The following MSR1 variants were observed in gnomAD, a reference collection of about 807,000 sequenced individuals.
MSR1 encodes macrophage scavenger receptor types I and II.
MSR1 carries 53 observed loss-of-function variants against 47.2 expected under a neutral mutation model. That is an observed-to-expected ratio of 1.12 (90% confidence interval 0.90 to 1.41). The LOEUF (loss-of-function observed/expected upper bound fraction) is 1.41. Among genes scored for constraint, MSR1 ranks in the 40% most tolerant of loss-of-function variants. The probability of loss-of-function intolerance (pLI) is 0.00; values close to 1 mark genes in which losing one functional copy is unlikely to be tolerated. For missense variants in MSR1, 786 were observed against 546.9 expected, an observed-to-expected ratio of 1.44 and a Z score of -4.36; for synonymous variants, 239 against 185.6, an observed-to-expected ratio of 1.29 and a Z score of -2.34.
At chr8:16,115,769 G>T (rs1799864136) in intron 9 of MSR1, among the ~76,000 whole-genome samples, 1 of 152,022 alleles carries the variant, frequency 6.6e-6, no homozygotes, top group Admixed American at 6.6e-5. Flanking sequence ...CTTGAGGCTA[G>T]GAGTTTTAGA....
At chr8:16,134,279 T>C (rs1357045661) in intron 8 of MSR1, among the ~76,000 whole-genome samples, 4 of 152,164 alleles carry the variant, frequency 2.6e-5, no homozygotes, top group Admixed American at 2.6e-4. Flanking sequence ...TCAAATTAGA[T>C]TCTATTCAGA....
At chr8:16,171,128 G>T (rs1801473001) in intron 3 of MSR1, among the ~76,000 whole-genome samples, 1 of 151,482 alleles carries the variant, frequency 6.6e-6, no homozygotes, top group Non-Finnish European at 1.5e-5. Context: ...GGAGGCTGAG[G>T]CAGGAGAATT....
intron 8 of MSR1, chr8:16,140,794 A>G: frequency 6.7e-7 from 1 of 1,485,680 alleles, no homozygotes; most frequent in Admixed American, 2.5e-5. Context: ...TGGAGTAAGA[A>G]GAGGTATGAG....
At chr8:16,123,765 C>A (rs117991545) in intron 8 of MSR1, among the ~76,000 whole-genome samples, 3 of 151,898 alleles carry the variant, frequency 2.0e-5, no homozygotes, top group Non-Finnish European at 4.4e-5. Context: ...AAACCAAAAC[C>A]AAAATAATAA....
intron 1 of MSR1, among the ~76,000 whole-genome samples, chr8:16,183,955 G>A (rs1166491645): frequency 6.8e-6 from 1 of 147,900 alleles, no homozygotes; most frequent in African/African-American, 2.5e-5. Context: ...CTCTTTTGGG[G>A]AAGTGGGTAA....
In MSR1 at chr8:16,160,956, G is replaced by A. The variant is rs142953201; in HGVS notation, c.817+3109C>T. On this transcript the variant is annotated intron_variant, in intron 5 of 9. Transcript: ENST00000262101. ...AGAAGACATTGGAGGATTTAAGCAA[G>A]AGAGAGAAAAGACACATCTAGTGTA... Among the ~76,000 whole-genome samples, 60 of 150,958 alleles carry A rather than the reference G, an allele frequency of 4.0e-4. 2 individuals carry two copies. In the East Asian group the frequency reaches 9.0e-3, roughly 23 times the overall value.
rs2117088303 is a variant in MSR1, at chr8:16,132,886, A to T, written c.1033+10672T>A. ...GAATGTTTCCAGGTTTTGCCCATTT[A>T]ATATGATGTCGCTGTGGGTTTTTCA... On this transcript the variant is annotated intron_variant, in intron 8 of 9. Coordinates refer to ENST00000262101, the MANE Select transcript of MSR1 (RefSeq NM_138715.3). 1.3e-5 allele frequency among the ~76,000 whole-genome samples: 2 copies of T among 152,238 alleles called. 1 individual carries two copies. The highest frequency in any genetic ancestry group is 1.3e-4 in the Admixed American group (2 of 15,286).
At chr8:16,169,703 C>T (rs1349178347) in intron 3 of MSR1, among the ~76,000 whole-genome samples, 2 of 151,716 alleles carry the variant, frequency 1.3e-5, no homozygotes, top group Non-Finnish European at 2.9e-5. Context: ...ATGTAATGCT[C>T]TATCATAAGT....
chr8:16,151,189 G>A (rs111889715), intron 6 of MSR1, among the ~76,000 whole-genome samples: 61 of 152,178 alleles, frequency 4.0e-4, no homozygotes, highest in African/African-American at 1.4e-3. Context: ...CATGTTGCCT[G>A]CTTTAGACAG....
intron 1 of MSR1, among the ~76,000 whole-genome samples, chr8:16,179,617 C>T (rs961903069): frequency 2.0e-5 from 3 of 151,984 alleles, no homozygotes; most frequent in South Asian, 2.1e-4. Context: ...CAGTGGCTCA[C>T]GCCTGTAATC....
intron 8 of MSR1, among the ~76,000 whole-genome samples, chr8:16,129,757 C>T (rs1007603700): frequency 9.2e-6 from 1 of 108,382 alleles, no homozygotes; most frequent in African/African-American, 2.6e-5. Flanking sequence ...TCAACACGCC[C>T]TAAAAAAGAT....
At chr8:16,136,508 T>C (rs573050473) in intron 8 of MSR1, among the ~76,000 whole-genome samples, 4 of 152,278 alleles carry the variant, frequency 2.6e-5, no homozygotes, top group African/African-American at 9.6e-5. Context: ...TAATTGCTTT[T>C]TTTTTGCCTT....
intron 5 of MSR1, among the ~76,000 whole-genome samples, chr8:16,159,433 A>C (rs1352763896): frequency 6.6e-6 from 1 of 151,932 alleles, no homozygotes; most frequent in Non-Finnish European, 1.5e-5. Flanking sequence ...GGCTCTAATT[A>C]TTATAACTAT....
intron 9 of MSR1, among the ~76,000 whole-genome samples, chr8:16,114,492 G>T (rs751246960): frequency 5.3e-5 from 8 of 152,052 alleles, no homozygotes; most frequent in Non-Finnish European, 1.0e-4. Context: ...TACCACTGTT[G>T]TATGATAAAA....
chr8:16,180,816 C>T (rs1243448789), intron 1 of MSR1, among the ~76,000 whole-genome samples: 1 of 152,140 alleles, frequency 6.6e-6, no homozygotes, highest in Non-Finnish European at 1.5e-5. Context: ...ACAGTCGTTG[C>T]ATATTCCTCC....
At position 16,175,320 on chromosome 8, in the gene MSR1, C is replaced by A. The variant is rs886329855; in HGVS notation, c.104-20G>T. ...TAGGATCTAATAAAACAAAAAAGCCCAGCCTACTGTTAGAAAGTGTTGTCT... is the reference window on the plus strand; with the variant it reads ...TAGGATCTAATAAAACAAAAAAGCCAAGCCTACTGTTAGAAAGTGTTGTCT... On this transcript the variant is annotated intron_variant, in intron 2 of 9. Coordinates refer to ENST00000262101, the MANE Select transcript of MSR1 (RefSeq NM_138715.3). 1 of 1,578,666 alleles carries A rather than the reference C, an allele frequency of 6.3e-7. No individual in the cohort carries two copies. Among genetic ancestry groups the A allele is most frequent in the Admixed American group, 1.7e-5 (1 of 59,934 alleles).
chr8:16,128,728 C>A (rs1214464733), intron 8 of MSR1, among the ~76,000 whole-genome samples: 1 of 152,076 alleles, frequency 6.6e-6, no homozygotes, highest in East Asian at 1.9e-4. Flanking sequence ...TGGAGTTAAG[C>A]TACCATACTT....
chr8:16,177,840 A>T, intron 2 of MSR1, 46 bp downstream of exon 2: 2 of 1,461,570 alleles, frequency 1.4e-6, no homozygotes. Flanking sequence ...TTTTGTCAAT[A>T]ACTCTAAGAA....
intron 7 of MSR1, among the ~76,000 whole-genome samples, chr8:16,146,684 C>G (rs991612295): frequency 6.6e-6 from 1 of 152,114 alleles, no homozygotes; most frequent in Non-Finnish European, 1.5e-5. Flanking sequence ...TGGGCTACTT[C>G]TCTTCCATTT....
Sources: allele counts gnomAD v4.1 joint callset (sites outside exome capture counted in the v4.1 genomes callset), GRCh38; gene constraint gnomAD v4.1.1; transcripts MANE v1.5; gene names NCBI Gene and HGNC (gene_info 2026-07-23, HGNC 2026-07-21).